Variants in IGF2BP2 observed in about 807,000 individuals in gnomAD.
IGF2BP2 encodes insulin-like growth factor 2 mRNA-binding protein 2.
A neutral mutation model predicts 75.8 loss-of-function variants in IGF2BP2; 17 were observed. That is an observed-to-expected ratio of 0.22 (90% confidence interval 0.15 to 0.34). IGF2BP2 has a LOEUF of 0.34. Ranked by LOEUF, IGF2BP2 falls within the 10% of genes least tolerant of loss-of-function variation. The pLI is 1.00. For missense variants in IGF2BP2, 516 were observed against 772.4 expected, an observed-to-expected ratio of 0.67 and a Z score of 3.93; for synonymous variants, 288 against 295.6, an observed-to-expected ratio of 0.97 and a Z score of 0.26.
At chr3:185,763,722 G>A (rs1732678567) in intron 2 of IGF2BP2, among the ~76,000 whole-genome samples, 1 of 152,190 alleles carries the variant, frequency 6.6e-6, no homozygotes, top group South Asian at 2.1e-4. Context: ...ACTACTCTCA[G>A]CTGCAGAACA....
chr3:185,811,882 C>CT (rs1739934819), intron 2 of IGF2BP2, among the ~76,000 whole-genome samples: 2 of 147,002 alleles, frequency 1.4e-5, no homozygotes, highest in Non-Finnish European at 3.0e-5. Flanking sequence ...CTCTCTCCCC[C>CT]TCTCCCTGCC....
At position 185,704,074 on chromosome 3, in the gene IGF2BP2, C is replaced by T. The variant is rs369902862; in HGVS notation, c.240-5727G>A. On this transcript the variant is annotated intron_variant, in intron 2 of 15. Coordinates refer to ENST00000382199, the MANE Select transcript of IGF2BP2 (RefSeq NM_006548.6). ...ACATAGAGGGCCTTGTGAGAGCGTC[C>T]TTTGGGGCTCCATGCGGGATTCTAC... Among the ~76,000 whole-genome samples, 8 of 152,258 alleles carry T rather than the reference C, an allele frequency of 5.3e-5. 2 individuals carry two copies. The highest frequency in any genetic ancestry group is 1.9e-4 in the African/African-American group (8 of 41,548).
chr3:185,803,245 G>A (rs1392989425), intron 2 of IGF2BP2, among the ~76,000 whole-genome samples: 1 of 152,156 alleles, frequency 6.6e-6, no homozygotes, highest in Non-Finnish European at 1.5e-5. Flanking sequence ...CAGCTACTTA[G>A]GAGGCTGAGG....
chr3:185,650,672 G>A (rs753957803), intron 13 of IGF2BP2, among the ~76,000 whole-genome samples: 4 of 150,524 alleles, frequency 2.7e-5, no homozygotes, highest in South Asian at 4.2e-4. Flanking sequence ...GGGAGACTCC[G>A]TCTCAAAAAA....
At chr3:185,652,061 G>C (rs1376281207) in intron 13 of IGF2BP2, 33 bp downstream of exon 13, 4 of 1,572,126 alleles carry the variant, frequency 2.5e-6, no homozygotes, top group Non-Finnish European at 3.5e-6. Context: ...TGTGCCCAGA[G>C]CCTGCAGGGC....
At chr3:185,776,570 G>A (rs947010062) in intron 2 of IGF2BP2, among the ~76,000 whole-genome samples, 10 of 152,302 alleles carry the variant, frequency 6.6e-5, no homozygotes, top group African/African-American at 1.9e-4. Context: ...TTCAGATGGA[G>A]CTATCCAATA....
chr3:185,664,246 T>C (rs1196817173), intron 10 of IGF2BP2, among the ~76,000 whole-genome samples: 2 of 152,322 alleles, frequency 1.3e-5, no homozygotes, highest in East Asian at 3.9e-4. Context: ...GATCTCTGTG[T>C]CTGCCTCTGC....
chr3:185,776,847 A>G (rs1429920187), intron 2 of IGF2BP2, among the ~76,000 whole-genome samples: 1 of 152,222 alleles, frequency 6.6e-6, no homozygotes, highest in Non-Finnish European at 1.5e-5. Flanking sequence ...TTCTTTATTT[A>G]TATACCATCT....
In IGF2BP2 at chr3:185,664,296, C is replaced by T. The variant is rs539540012; in HGVS notation, c.1201-5887G>A. Among the ~76,000 whole-genome samples, 33 of 152,288 alleles carry T rather than the reference C, an allele frequency of 2.2e-4. No homozygotes were observed. The South Asian group carries it at 6.4e-3, about 30-fold the overall frequency. ...ACCACTGCACTCACTGCTGCGCTCA[C>T]CTGGGACATTCTGAACTCACTGGTT... On this transcript the variant is annotated intron_variant, in intron 10 of 15. Coordinates refer to ENST00000382199, the MANE Select transcript of IGF2BP2 (RefSeq NM_006548.6).
chr3:185,782,655 C>T (rs375216416), intron 2 of IGF2BP2, among the ~76,000 whole-genome samples: 11 of 152,094 alleles, frequency 7.2e-5, no homozygotes, highest in Non-Finnish European at 7.4e-5. Context: ...TCACTGGGAG[C>T]GCAGACTGTC....
At chr3:185,772,613 G>T (rs139806545) in intron 2 of IGF2BP2, among the ~76,000 whole-genome samples, 31 of 124,012 alleles carry the variant, frequency 2.5e-4, no homozygotes, top group Non-Finnish European at 3.9e-4. Flanking sequence ...ACAAAGTCTC[G>T]CTGTGTCGCC....
rs556379454 is a variant in IGF2BP2, at chr3:185,689,785, G to A, written c.405-158C>T. Among the ~76,000 whole-genome samples the A allele has an allele frequency of 4.6e-5, 7 of 151,810 alleles. No homozygotes were observed. The East Asian group carries it at 7.8e-4, about 17-fold the overall frequency. ...AGATCGAGACCATCCCGGCTAAAACGGTGAAACCCCGTCTCTACTAAAAAT... is the reference window on the plus strand; with the variant it reads ...AGATCGAGACCATCCCGGCTAAAACAGTGAAACCCCGTCTCTACTAAAAAT... On this transcript the variant is annotated intron_variant, in intron 5 of 15. Transcript: ENST00000382199.
intron 2 of IGF2BP2, among the ~76,000 whole-genome samples, chr3:185,808,889 A>G (rs187646613): frequency 6.2e-4 from 94 of 152,240 alleles, no homozygotes; most frequent in Non-Finnish European, 9.1e-4. Context: ...ATTTGACAAC[A>G]TTCTGCTTTG....
At chr3:185,710,499 G>A (rs537938879) in intron 2 of IGF2BP2, among the ~76,000 whole-genome samples, 38 of 152,138 alleles carry the variant, frequency 2.5e-4, no homozygotes, top group Non-Finnish European at 3.7e-4. Flanking sequence ...TTGGGAGGCC[G>A]AGGCGGGCGG....
chr3:185,788,247 C>T (rs1736153516), intron 2 of IGF2BP2, among the ~76,000 whole-genome samples: 1 of 152,168 alleles, frequency 6.6e-6, no homozygotes, highest in Non-Finnish European at 1.5e-5. Flanking sequence ...CAGCCAGGTA[C>T]AGTGGCTTAT....
chr3:185,749,407 T>C (rs185479537), intron 2 of IGF2BP2, among the ~76,000 whole-genome samples: 1 of 152,366 alleles, frequency 6.6e-6, no homozygotes, highest in Admixed American at 6.5e-5. Context: ...CAATCAATTG[T>C]TGATTAGACA....
intron 12 of IGF2BP2, among the ~76,000 whole-genome samples, chr3:185,653,810 A>T (rs1294289162): frequency 6.6e-6 from 1 of 152,114 alleles, no homozygotes; most frequent in East Asian, 1.9e-4. Context: ...CTAAGGCAAA[A>T]CCAAAGTAGG....
intron 2 of IGF2BP2, among the ~76,000 whole-genome samples, chr3:185,807,833 A>G: frequency 6.6e-6 from 1 of 152,230 alleles, no homozygotes; most frequent in East Asian, 1.9e-4. Context: ...TAAGCTTAGT[A>G]GCCAACCTTC....
intron 2 of IGF2BP2, among the ~76,000 whole-genome samples, chr3:185,796,230 A>G (rs1381606021): frequency 6.6e-6 from 1 of 152,074 alleles, no homozygotes; most frequent in Non-Finnish European, 1.5e-5. Flanking sequence ...GAACTTAACC[A>G]TTTCTGGCTA....
Sources: gnomAD v4.1 joint callset for allele counts (sites outside exome capture counted in the v4.1 genomes callset) on GRCh38, gnomAD v4.1.1 for gene constraint, MANE v1.5 for transcripts, NCBI Gene and HGNC (gene_info 2026-07-23, HGNC 2026-07-21) for gene names.